The following DNAH11 variants were observed in gnomAD, a reference collection of about 807,000 sequenced individuals.
DNAH11 encodes the protein dynein axonemal heavy chain 11.
In DNAH11, 442 loss-of-function variants were observed where a neutral mutation model predicts 526.0. The observed-to-expected ratio is 0.84, with a 90% CI of 0.78 to 0.91. DNAH11 has a LOEUF of 0.91. DNAH11 is among the 40% of genes least tolerant of loss of function. DNAH11 has a pLI of 0.00. For missense variants in DNAH11, 6,989 were observed against 5,448.7 expected, an observed-to-expected ratio of 1.28 and a Z score of -8.90; for synonymous variants, 2,461 against 1,935.9, an observed-to-expected ratio of 1.27 and a Z score of -7.12.
chr7:21,798,974 G>A (rs1347226689), intron 61 of DNAH11, among the ~76,000 whole-genome samples: 1 of 151,596 alleles, frequency 6.6e-6, no homozygotes, highest in Non-Finnish European at 1.5e-5. Flanking sequence ...AATATTACTT[G>A]ATATCATCTG....
intron 61 of DNAH11, among the ~76,000 whole-genome samples, chr7:21,794,509 G>A (rs115704517): frequency 1.3e-5 from 2 of 152,122 alleles, no homozygotes; most frequent in Admixed American, 1.3e-4. Flanking sequence ...TCTTAGAAAT[G>A]CTTGAAGTAC....
At chr7:21,876,172 C>T (rs745630863) in intron 74 of DNAH11, among the ~76,000 whole-genome samples, 20 of 152,210 alleles carry the variant, frequency 1.3e-4, no homozygotes, top group South Asian at 4.1e-4. Context: ...CGTGAGCCAC[C>T]GCACCTGGCC....
Position 21,786,622 on chromosome 7 carries a change from A to G in DNAH11, c.9598-2A>G. ...TACGTGTTTCTGTGTGCTTTTCTTCAGGTCAACCTCAGTGAGCTGAAAGCC... is the reference window on the plus strand; with the variant it reads ...TACGTGTTTCTGTGTGCTTTTCTTCGGGTCAACCTCAGTGAGCTGAAAGCC... On this transcript the variant is annotated splice_acceptor_variant, in intron 58 of 81. Transcript: ENST00000409508. LOFTEE classifies it high-confidence loss of function. The G allele has an allele frequency of 1.9e-6, 3 of 1,608,254 alleles. No individual in the cohort carries two copies. The highest frequency in any genetic ancestry group is 2.6e-6 in the Non-Finnish European group (3 of 1,176,020).
Position 21,866,615 on chromosome 7 carries a change from T to C in DNAH11, c.11642T>C (p.Leu3881Pro). 6.2e-7 allele frequency: 1 copy of C among 1,613,830 alleles called. No homozygotes were observed. Among genetic ancestry groups the C allele is most frequent in the East Asian group, 2.2e-5 (1 of 44,878 alleles). ...EWKKKSLIQK[L>P]ILLRAMRPDR... The stretch of plus-strand genomic sequence containing the variant: ...AAGAAGAAAAGTTTAATACAGAAGC[T>C]GATTCTTCTGAGAGCAATGCGCCCT... The change falls in exon 71 of 82, where the codon CTG becomes CCG. Residue 3881 changes from leucine (L) to proline (P), a missense_variant. Physicochemically the swap from Leu to Pro is moderately conservative, Grantham distance 98. Coordinates refer to ENST00000409508, the MANE Select transcript of DNAH11 (RefSeq NM_001277115.2).
intron 25 of DNAH11, among the ~76,000 whole-genome samples, chr7:21,622,537 C>A (rs1366995058): frequency 1.3e-5 from 2 of 152,074 alleles, no homozygotes; most frequent in East Asian, 1.9e-4. Flanking sequence ...AAAGAACAAG[C>A]CTGGAGTCAT....
chr7:21,589,680 C>A (rs1391330947), intron 12 of DNAH11, among the ~76,000 whole-genome samples: 1 of 152,080 alleles, frequency 6.6e-6, no homozygotes, highest in African/African-American at 2.4e-5. Context: ...CATCTTTATG[C>A]TCTATGTTTC....
intron 45 of DNAH11, among the ~76,000 whole-genome samples, chr7:21,727,973 C>G (rs1016995722): frequency 1.4e-4 from 21 of 152,148 alleles, no homozygotes; most frequent in African/African-American, 4.8e-4. Flanking sequence ...CTCACTGTCT[C>G]CCTGTGTGTC....
chr7:21,855,592 T>C (rs1333091979), intron 68 of DNAH11, among the ~76,000 whole-genome samples: 2 of 152,240 alleles, frequency 1.3e-5, no homozygotes, highest in South Asian at 4.1e-4. Context: ...CCCAAGAATT[T>C]ACATTTGTTA....
chr7:21,625,952 A>G (rs537758775), intron 25 of DNAH11, among the ~76,000 whole-genome samples: 28 of 152,282 alleles, frequency 1.8e-4, no homozygotes, highest in Admixed American at 2.6e-4. Flanking sequence ...GATGCGTAAG[A>G]GATGTACATA....
At chr7:21,896,039 A>AT (rs1256985244) in intron 79 of DNAH11, among the ~76,000 whole-genome samples, 3 of 152,072 alleles carry the variant, frequency 2.0e-5, no homozygotes, top group Non-Finnish European at 4.4e-5. Context: ...CACACTTTTG[A>AT]TTTTTCTAAC....
In DNAH11 at chr7:21,636,021, G is replaced by A; in HGVS notation, c.4651G>A (p.Val1551Ile). ...TTGGTCTCACCTGGAAAGCATTTTT[G>A]TCTGTTCAGAAGATATTCGAATCCA... Reference protein sequence around the residue: ...RTWSHLESIFVCSEDIRIQLV... With the variant: ...RTWSHLESIFICSEDIRIQLV... The change falls in exon 26 of 82, where the codon GTC becomes ATC. Residue 1551 changes from valine (V) to isoleucine (I), a missense_variant. By Grantham distance (29) the Val-to-Ile change is conservative (BLOSUM62 3). Transcript: ENST00000409508. 6.2e-7 allele frequency: 1 copy of A among 1,613,664 alleles called. No individual in the cohort carries two copies. Among genetic ancestry groups the A allele is most frequent in the Non-Finnish European group, 8.5e-7 (1 of 1,179,760 alleles).
intron 74 of DNAH11, among the ~76,000 whole-genome samples, chr7:21,875,492 C>T (rs960268347): frequency 2.6e-5 from 4 of 152,020 alleles, no homozygotes; most frequent in African/African-American, 9.7e-5. Context: ...GGGAAATACA[C>T]GTTCGAAAAT....
chr7:21,662,815 T>C lies in DNAH11; in HGVS notation c.5328+3784T>C, dbSNP rs142831293. On this transcript the variant is annotated intron_variant, in intron 30 of 81. Transcript: ENST00000409508. ...TGCTGTTTATGTAAATTGGACTTTT[T>C]CATTTAAAATTTTTTTAAATTTTAT... Among the ~76,000 whole-genome samples, 118 of 152,282 alleles carry C rather than the reference T, an allele frequency of 7.7e-4. 2 individuals carry two copies. Among genetic ancestry groups the C allele is most frequent in the Admixed American group, 1.7e-3 (26 of 15,280 alleles).
chr7:21,638,009 A>G (rs62447795), intron 27 of DNAH11, among the ~76,000 whole-genome samples: 1,683 of 149,976 alleles, frequency 0.011, 27 homozygotes, highest in Non-Finnish European at 0.019. Flanking sequence ...CTATCCTGTA[A>G]ATATTGATTG....
Position 21,676,024 on chromosome 7 carries a change from G to A in DNAH11, c.5329-5522G>A, listed in dbSNP as rs76874868. On this transcript the variant is annotated intron_variant, in intron 30 of 81. Transcript: ENST00000409508. ...CCCGGAACATGAAGTGGTTGCTGTGGCCTTAAAACAGCTGTGATAGGAGAA... is the reference window on the plus strand; with the variant it reads ...CCCGGAACATGAAGTGGTTGCTGTGACCTTAAAACAGCTGTGATAGGAGAA... Among the ~76,000 whole-genome samples the A allele has an allele frequency of 3.2e-4, 49 of 152,234 alleles. No individual in the cohort carries two copies. The East Asian group carries it at 8.3e-3, about 26-fold the overall frequency.
In DNAH11 at chr7:21,776,116, A is replaced by G. The variant is rs10249563; in HGVS notation, c.9336+2117A>G. Among the ~76,000 whole-genome samples, 1,140 of 152,276 alleles carry G rather than the reference A, an allele frequency of 7.5e-3. 13 individuals are homozygous for G. The highest frequency in any genetic ancestry group is 0.026 in the African/African-American group (1,095 of 41,560). On this transcript the variant is annotated intron_variant, in intron 56 of 81. Transcript: ENST00000409508. The stretch of plus-strand genomic sequence containing the variant: ...CATTGATGAGTCAGGGGGATGGGCA[A>G]GGAGAGAGACGGGAGGGCCGATTCA...
intron 28 of DNAH11, among the ~76,000 whole-genome samples, chr7:21,655,118 T>C (rs780569348): frequency 1.3e-5 from 2 of 150,658 alleles, no homozygotes; most frequent in African/African-American, 2.4e-5. Context: ...CAATGTGCTA[T>C]TTACTGGTTT....
intron 9 of DNAH11, among the ~76,000 whole-genome samples, chr7:21,583,904 C>T (rs984094869): frequency 1.6e-4 from 25 of 152,054 alleles, no homozygotes; most frequent in African/African-American, 5.3e-4. Context: ...GTTAGAATGG[C>T]GATCATTAAA....
intron 79 of DNAH11, among the ~76,000 whole-genome samples, chr7:21,897,188 T>C (rs1280139545): frequency 3.9e-5 from 6 of 152,176 alleles, no homozygotes; most frequent in African/African-American, 1.2e-4. Flanking sequence ...ATGACTGTTA[T>C]TCTCTTTTCC....
Sources: gnomAD v4.1 joint callset for allele counts (sites outside exome capture counted in the v4.1 genomes callset) on GRCh38, gnomAD v4.1.1 for gene constraint, MANE v1.5 for transcripts, NCBI Gene and HGNC (gene_info 2026-07-23, HGNC 2026-07-21) for gene names.